Variants in PLA2G4A observed in about 807,000 individuals in gnomAD.
The protein encoded by PLA2G4A is phospholipase A2 group IVA, also known as cytosolic phospholipase A2.
In PLA2G4A, 40 loss-of-function variants were observed where a neutral mutation model predicts 81.9. The observed-to-expected ratio is 0.49, with a 90% CI of 0.38 to 0.64. PLA2G4A has a LOEUF of 0.64. Among genes scored for constraint, PLA2G4A ranks in the 30% least tolerant of loss-of-function variants. The pLI, the probability that PLA2G4A is intolerant of heterozygous loss-of-function variation, is 0.00. For missense variants in PLA2G4A, 715 were observed against 905.1 expected (o/e 0.79, Z 2.69); for synonymous variants, 302 against 296.9 (o/e 1.02, Z -0.18).
rs1459166955 is a variant in PLA2G4A, at chr1:186,956,090, A to G, written c.1337-12A>G. On this transcript the variant is annotated splice_polypyrimidine_tract_variant and intron_variant, in intron 13 of 17. Coordinates refer to ENST00000367466, the MANE Select transcript of PLA2G4A (RefSeq NM_024420.3). ...TTTGGAGTCTGTATGGTGACCTTTTATTTTTCCCTAGGCACTGAAAATGAA... is the reference window on the plus strand; with the variant it reads ...TTTGGAGTCTGTATGGTGACCTTTTGTTTTTCCCTAGGCACTGAAAATGAA... 2 of 1,611,836 alleles carry G rather than the reference A, an allele frequency of 1.2e-6. No individual in the cohort carries two copies. Among genetic ancestry groups the G allele is most frequent in the Non-Finnish European group, 1.7e-6 (2 of 1,178,384 alleles).
At chr1:186,950,135 C>A (rs1043593561) in intron 12 of PLA2G4A, among the ~76,000 whole-genome samples, 1 of 152,160 alleles carries the variant, frequency 6.6e-6, no homozygotes, top group African/African-American at 2.4e-5. Flanking sequence ...TTAATATGTT[C>A]TGCAGGAAGC....
At chr1:186,885,317 T>A (rs1400696151) in intron 3 of PLA2G4A, among the ~76,000 whole-genome samples, 4 of 152,072 alleles carry the variant, frequency 2.6e-5, no homozygotes, top group African/African-American at 9.7e-5. Flanking sequence ...GAGACCAAAT[T>A]AAAAGGGGCC....
At chr1:186,913,012 T>G (rs1377341634) in intron 7 of PLA2G4A, among the ~76,000 whole-genome samples, 1 of 150,882 alleles carries the variant, frequency 6.6e-6, no homozygotes, top group African/African-American at 2.4e-5. Flanking sequence ...GAAAATGCCA[T>G]AAATCTTGTT....
intron 16 of PLA2G4A, among the ~76,000 whole-genome samples, chr1:186,979,100 T>C (rs542387808): frequency 6.6e-6 from 1 of 152,252 alleles, no homozygotes; most frequent in Admixed American, 6.5e-5. Context: ...CAGGGCAGGA[T>C]AGAAAGCCCT....
chr1:186,902,783 A>G (rs1173184128), intron 5 of PLA2G4A, among the ~76,000 whole-genome samples: 1 of 151,664 alleles, frequency 6.6e-6, no homozygotes, highest in Non-Finnish European at 1.5e-5. Flanking sequence ...CAAATCCTAT[A>G]AAACTGCCCC....
chr1:186,862,959 A>G (rs1652870964), intron 2 of PLA2G4A, among the ~76,000 whole-genome samples: 1 of 152,212 alleles, frequency 6.6e-6, no homozygotes, highest in Non-Finnish European at 1.5e-5. Context: ...GTGATGCTAT[A>G]GATATTTAGT....
chr1:186,982,114 G>A (rs1571468375), intron 17 of PLA2G4A, among the ~76,000 whole-genome samples: 1 of 152,164 alleles, frequency 6.6e-6, no homozygotes, highest in Non-Finnish European at 1.5e-5. Context: ...CAACACAGGG[G>A]AGTATCTTTA....
rs754749824 is a variant in PLA2G4A, at chr1:186,946,731, A to T, written c.1128A>T (p.Thr376=). The T allele has an allele frequency of 4.3e-6, 7 of 1,612,250 alleles. No individual in the cohort carries two copies. The highest frequency in any genetic ancestry group is 5.9e-6 in the Non-Finnish European group (7 of 1,178,648). The change falls in exon 11 of 18, where the codon ACA becomes ACT. Residue 376 remains threonine, a synonymous_variant. Transcript: ENST00000367466. ...DLFGSKFFMG[T]VVKKYEENPL... is the part of the protein sequence containing the mutation. ...TTGGAAGCAAATTTTTTATGGGAAC[A>T]GTCGTTAAGAAGTATGAAGAAAACC...
At chr1:186,858,111 G>A (rs1227546104) in intron 2 of PLA2G4A, among the ~76,000 whole-genome samples, 1 of 151,986 alleles carries the variant, frequency 6.6e-6, no homozygotes, top group East Asian at 1.9e-4. Flanking sequence ...TAATCCTTTG[G>A]GTTTATACTC....
intron 3 of PLA2G4A, among the ~76,000 whole-genome samples, chr1:186,886,019 C>G (rs984226534): frequency 6.6e-6 from 1 of 151,876 alleles, no homozygotes; most frequent in African/African-American, 2.4e-5. Context: ...TATTGAAAAG[C>G]AAATGACCAA....
chr1:186,861,280 T>G (rs1053378781), intron 2 of PLA2G4A, among the ~76,000 whole-genome samples: 1 of 152,148 alleles, frequency 6.6e-6, no homozygotes, highest in Non-Finnish European at 1.5e-5. Flanking sequence ...AGGAGTGTGG[T>G]TTACCAGCGA....
At chr1:186,945,020 CATATT>C (rs1207798866) in intron 10 of PLA2G4A, among the ~76,000 whole-genome samples, 6 of 151,646 alleles carry the variant, frequency 4.0e-5, no homozygotes, top group East Asian at 1.9e-4. Context: ...ATATTACAGA[CATATT>C]ATAATTTCAG....
chr1:186,897,357 G>C (rs2102123102), intron 5 of PLA2G4A, among the ~76,000 whole-genome samples: 1 of 152,138 alleles, frequency 6.6e-6, no homozygotes, highest in Admixed American at 6.5e-5. Flanking sequence ...TAGCTCTCCA[G>C]AATGTTTGAA....
intron 7 of PLA2G4A, among the ~76,000 whole-genome samples, chr1:186,929,545 CT>C (rs1172395150): frequency 6.6e-6 from 1 of 152,056 alleles, no homozygotes; most frequent in East Asian, 1.9e-4. Context: ...GATCAATATT[CT>C]TATATATAAG....
intron 14 of PLA2G4A, among the ~76,000 whole-genome samples, chr1:186,960,759 A>C (rs1007077870): frequency 6.6e-6 from 1 of 152,208 alleles, no homozygotes; most frequent in African/African-American, 2.4e-5. Context: ...TAAAATAAAA[A>C]TAACAATGGT....
intron 7 of PLA2G4A, among the ~76,000 whole-genome samples, chr1:186,932,294 C>CTTTTTT (rs67757094): frequency 1.0e-4 from 14 of 138,554 alleles, no homozygotes; most frequent in African/African-American, 1.0e-4. Flanking sequence ...TTTTCTTTTT[C>CTTTTTT]TTTTTTTTTT....
chr1:186,940,278 C>T (rs547658744), intron 10 of PLA2G4A, among the ~76,000 whole-genome samples, 184 bp downstream of exon 10: 1 of 152,166 alleles, frequency 6.6e-6, no homozygotes, highest in African/African-American at 2.4e-5. Context: ...GAGAATATTC[C>T]ATGAAACTAG....
chr1:186,987,863 G>A (rs1284723556), intron 17 of PLA2G4A, among the ~76,000 whole-genome samples: 1 of 152,174 alleles, frequency 6.6e-6, no homozygotes. Flanking sequence ...AGAGCATGAT[G>A]TTTCCTAGAT....
At chr1:186,922,428 CTCCAAGTGCCAGT>C (rs563856138) in intron 7 of PLA2G4A, among the ~76,000 whole-genome samples, 1 of 152,308 alleles carries the variant, frequency 6.6e-6, no homozygotes, top group South Asian at 2.1e-4. Flanking sequence ...GTTGTCCAGA[CTCCAAGTGCCAGT>C]TCCTTCCTGG....
Sources: gnomAD v4.1 joint callset for allele counts (sites outside exome capture counted in the v4.1 genomes callset) on GRCh38, gnomAD v4.1.1 for gene constraint, MANE v1.5 for transcripts, NCBI Gene and HGNC (gene_info 2026-07-23, HGNC 2026-07-21) for gene names.